KIFAP3: variants seen among roughly 807,000 people sequenced by gnomAD.
KIFAP3 encodes kinesin-associated protein 3.
A neutral mutation model predicts 106.5 loss-of-function variants in KIFAP3; 68 were observed. The ratio of observed to expected loss-of-function variants is 0.64; its 90% CI spans 0.53 to 0.78. The LOEUF (loss-of-function observed/expected upper bound fraction) is 0.78. KIFAP3 is among the 30% of genes least tolerant of loss of function. KIFAP3 has a pLI of 0.00. For synonymous variants in KIFAP3, 320 were observed against 311.5 expected (o/e 1.03, Z -0.29); for missense variants, 780 against 941.8 (o/e 0.83, Z 2.25).
intron 19 of KIFAP3, chr1:169,923,051 A>G (rs1274829681): frequency 1.0e-6 from 1 of 981,680 alleles, no homozygotes; most frequent in Non-Finnish European, 1.2e-6. Flanking sequence ...GAGCCAAAAT[A>G]CATATAACAC....
chr1:170,036,456 A>G (rs1298100565), intron 5 of KIFAP3, among the ~76,000 whole-genome samples: 1 of 152,144 alleles, frequency 6.6e-6, no homozygotes, highest in African/African-American at 2.4e-5. Flanking sequence ...TAGCAAATTA[A>G]AAATCATCCT....
chr1:169,998,081 AC>A (rs925993444), intron 10 of KIFAP3, among the ~76,000 whole-genome samples: 5 of 150,484 alleles, frequency 3.3e-5, no homozygotes, highest in African/African-American at 9.8e-5. Context: ...CCCTCTCAAT[AC>A]CCCCCTCCAC....
At chr1:169,979,449 A>G (rs1253875504) in intron 15 of KIFAP3, among the ~76,000 whole-genome samples, 1 of 152,108 alleles carries the variant, frequency 6.6e-6, no homozygotes, top group Non-Finnish European at 1.5e-5. Flanking sequence ...AAATTAAATT[A>G]AAAAAACTCA....
chr1:169,967,509 T>C (rs988041601), intron 17 of KIFAP3, among the ~76,000 whole-genome samples: 6 of 151,806 alleles, frequency 4.0e-5, no homozygotes, highest in Non-Finnish European at 8.8e-5. Flanking sequence ...CTGCATAATA[T>C]AAAGAACATT....
upstream of KIFAP3, among the ~76,000 whole-genome samples, chr1:170,077,565 T>A (rs1176770346): frequency 6.6e-6 from 1 of 152,230 alleles, no homozygotes; most frequent in Non-Finnish European, 1.5e-5. Context: ...TTATTTAAAT[T>A]GCACTATAAT....
intron 9 of KIFAP3, among the ~76,000 whole-genome samples, chr1:170,020,380 A>G (rs140850055): frequency 2.0e-5 from 3 of 152,356 alleles, no homozygotes; most frequent in South Asian, 4.1e-4. Flanking sequence ...AGAGGTATCA[A>G]TGAAAGCACA....
At chr1:170,080,452 T>C (rs1020393151) in intron 1 of KIFAP3, among the ~76,000 whole-genome samples, 4 of 152,084 alleles carry the variant, frequency 2.6e-5, no homozygotes, top group Admixed American at 2.0e-4. Context: ...TCTAAGAGTT[T>C]ACACAATTTT....
intron 17 of KIFAP3, among the ~76,000 whole-genome samples, chr1:169,969,935 G>T (rs1337397665): frequency 6.6e-6 from 1 of 151,952 alleles, no homozygotes; most frequent in East Asian, 1.9e-4. Flanking sequence ...CATAATAGGT[G>T]CTTAATAAAC....
intron 1 of KIFAP3, among the ~76,000 whole-genome samples, chr1:170,065,470 T>C (rs1671391507): frequency 6.6e-6 from 1 of 151,676 alleles, no homozygotes; most frequent in Non-Finnish European, 1.5e-5. Context: ...AAAAATTAGC[T>C]GGGCATGGTG....
At chr1:169,976,062 A>G (rs942412249) in intron 16 of KIFAP3, among the ~76,000 whole-genome samples, 5 of 152,168 alleles carry the variant, frequency 3.3e-5, no homozygotes, top group Admixed American at 2.0e-4. Context: ...CTTTGATAAT[A>G]AGGTACTAAA....
chr1:170,070,663 T>G (rs565209456), intron 1 of KIFAP3, among the ~76,000 whole-genome samples: 9 of 152,116 alleles, frequency 5.9e-5, no homozygotes, highest in African/African-American at 2.2e-4. Context: ...AGACAATAAC[T>G]AACTCGAGAT....
At chr1:170,041,783 T>C (rs1481146460) in intron 3 of KIFAP3, 10 of 1,529,372 alleles carry the variant, frequency 6.5e-6, no homozygotes, top group African/African-American at 1.4e-5. Context: ...TCTCCTGATC[T>C]GTTGGCCTCC....
intron 3 of KIFAP3, among the ~76,000 whole-genome samples, chr1:170,040,246 TA>T (rs2102066805): frequency 6.6e-6 from 1 of 152,296 alleles, no homozygotes; most frequent in South Asian, 2.1e-4. Flanking sequence ...ACTTTTAAGA[TA>T]AGGTTTCTGG....
At position 170,016,579 on chromosome 1, in the gene KIFAP3, C is replaced by A; in HGVS notation, c.1066G>T (p.Glu356Ter). Reference protein sequence around the residue: ...VEKLVKMIPCEHEDLLNITLR... With the variant: ...VEKLVKMIPC ...GTGATATTCAGCAGGTCTTCATGCT[C>A]ACAAGGTATCATTTTCACCAGTTTT... Residue 356 changes from glutamate (E) to a stop codon, truncating the protein, a stop_gained, in exon 10 of 20, where the codon GAG becomes TAG. Transcript: ENST00000361580. LOFTEE classifies it high-confidence loss of function. 1 of 1,601,552 alleles carries A rather than the reference C, an allele frequency of 6.2e-7. No homozygotes were observed. The highest frequency in any genetic ancestry group is 8.5e-7 in the Non-Finnish European group (1 of 1,175,372).
At chr1:170,083,407 G>C (rs1169916248) in intron 1 of KIFAP3, among the ~76,000 whole-genome samples, 1 of 152,200 alleles carries the variant, frequency 6.6e-6, no homozygotes, top group Non-Finnish European at 1.5e-5. Context: ...GCATTATTCT[G>C]TGGTGTAGTG....
Position 169,921,567 on chromosome 1 carries a change from C to T in KIFAP3, c.*109G>A. On this transcript the variant is annotated 3_prime_UTR_variant, in exon 20 of 20. Transcript: ENST00000361580. ...AACAACATATAAAAATAAAAACAAA[C>T]ACAGACCCACAATAACATCAACATG... 1 of 794,334 alleles carries T rather than the reference C, an allele frequency of 1.3e-6. No homozygotes were observed. The highest frequency in any genetic ancestry group is 2.1e-6 in the Non-Finnish European group (1 of 481,444). 49.2% of individuals were successfully genotyped at this position (794,334 alleles called of 1,614,324 possible). A position where few individuals can be genotyped will look rare whatever the true frequency, so the allele number is the denominator to read the frequency against.
intron 2 of KIFAP3, among the ~76,000 whole-genome samples, chr1:170,050,617 G>A (rs1670527865): frequency 6.6e-6 from 1 of 152,194 alleles, no homozygotes; most frequent in South Asian, 2.1e-4. Flanking sequence ...ACTACAAAGG[G>A]AAGCCCGTCA....
In KIFAP3 at chr1:170,016,442, TTAA is replaced by T. The variant is rs1407672856; in HGVS notation, c.1183+17_1183+19del. The T allele has an allele frequency of 1.9e-6, 3 of 1,577,548 alleles. No individual in the cohort carries two copies. The highest frequency in any genetic ancestry group is 2.6e-6 in the Non-Finnish European group (3 of 1,164,806). On this transcript the variant is annotated intron_variant, in intron 10 of 19. Transcript: ENST00000361580. ...TTGGAAATTCCAGACAACACTGTCA[TTAA>T]TTTCTAAAAAGCATACCTAGGAGTG...
intron 11 of KIFAP3, among the ~76,000 whole-genome samples, chr1:169,986,204 A>G (rs889833696): frequency 2.6e-5 from 4 of 151,898 alleles, no homozygotes; most frequent in Non-Finnish European, 5.9e-5. Context: ...TTAGTTCAAG[A>G]TGACTTCTGC....
Sources: gnomAD v4.1 joint callset for allele counts (sites outside exome capture counted in the v4.1 genomes callset) on GRCh38, gnomAD v4.1.1 for gene constraint, MANE v1.5 for transcripts, NCBI Gene and HGNC (gene_info 2026-07-23, HGNC 2026-07-21) for gene names.